LPAR3: variants seen among roughly 807,000 people sequenced by gnomAD.
The protein encoded by LPAR3 is lysophosphatidic acid receptor 3.
LPAR3 carries 7 observed loss-of-function variants against 17.8 expected under a neutral mutation model. The observed-to-expected ratio is 0.39, with a 90% confidence interval of 0.22 to 0.74. LPAR3 has a LOEUF of 0.74. Ranked by LOEUF, LPAR3 falls within the 30% of genes least tolerant of loss-of-function variation. LPAR3 has a pLI of 0.40. For synonymous variants in LPAR3, 179 were observed against 179.9 expected, an observed-to-expected ratio of 0.99 and a Z score of 0.04; for missense variants, 391 against 453.4, an observed-to-expected ratio of 0.86 and a Z score of 1.25.
intron 1 of LPAR3, among the ~76,000 whole-genome samples, chr1:84,875,767 T>C (rs1660244494): frequency 6.6e-6 from 1 of 152,240 alleles, no homozygotes; most frequent in Non-Finnish European, 1.5e-5. Flanking sequence ...TTAAAGTATC[T>C]GTCCTAATCC....
chr1:84,841,379 T>C (rs896269867), intron 2 of LPAR3, among the ~76,000 whole-genome samples: 1 of 152,136 alleles, frequency 6.6e-6, no homozygotes, highest in Non-Finnish European at 1.5e-5. Flanking sequence ...ACTAAAAATC[T>C]GGACAGTCCC....
intron 2 of LPAR3, among the ~76,000 whole-genome samples, chr1:84,846,714 A>G (rs1659599785): frequency 6.6e-6 from 1 of 152,076 alleles, no homozygotes; most frequent in Non-Finnish European, 1.5e-5. Flanking sequence ...ATTACCCACA[A>G]AGGGGTTATT....
At chr1:84,866,806 A>G (rs761919311) in intron 1 of LPAR3, among the ~76,000 whole-genome samples, 4 of 152,180 alleles carry the variant, frequency 2.6e-5, no homozygotes, top group Non-Finnish European at 5.9e-5. Context: ...TATTAGGTAT[A>G]TGATGCAGGG....
intron 2 of LPAR3, among the ~76,000 whole-genome samples, chr1:84,860,714 G>A (rs1025980113): frequency 2.7e-5 from 4 of 149,600 alleles, no homozygotes; most frequent in Admixed American, 6.7e-5. Context: ...AAGAGGGTTC[G>A]TAAGAAACTT....
intron 2 of LPAR3, among the ~76,000 whole-genome samples, chr1:84,827,046 C>T (rs1490413593): frequency 1.3e-5 from 2 of 152,132 alleles, no homozygotes; most frequent in Non-Finnish European, 2.9e-5. Context: ...ATTTTATCTA[C>T]AGTTTACTAA....
intron 1 of LPAR3, among the ~76,000 whole-genome samples, chr1:84,888,684 G>A (rs1345319455): frequency 1.3e-5 from 2 of 152,134 alleles, no homozygotes; most frequent in African/African-American, 4.8e-5. Flanking sequence ...TATTTAGACC[G>A]CATGTTTGCT....
intron 2 of LPAR3, among the ~76,000 whole-genome samples, chr1:84,828,127 T>C (rs1659199039): frequency 6.6e-6 from 1 of 152,184 alleles, no homozygotes; most frequent in South Asian, 2.1e-4. Flanking sequence ...TCTCTCTCTT[T>C]TTTTTCTATT....
At chr1:84,817,261 T>TCACACACACA (rs71097861) in intron 2 of LPAR3, among the ~76,000 whole-genome samples, 13,321 of 147,404 alleles carry the variant, frequency 0.09, 850 homozygotes, top group African/African-American at 0.19. Flanking sequence ...CCAGGATCTA[T>TCACACACACA]CACACACACA....
At position 84,812,972 on chromosome 1, in the gene LPAR3, A is replaced by C. The variant is rs959497222; in HGVS notation, c.*874T>G. Reference sequence around the variant, plus strand: ...TTCACCATCATGAGGGAAAATGAGAACTAATGTGGACTGGCGGGAGGCAGT... The same window carrying C: ...TTCACCATCATGAGGGAAAATGAGACCTAATGTGGACTGGCGGGAGGCAGT... On this transcript the variant is annotated 3_prime_UTR_variant, in exon 3 of 3. Coordinates refer to ENST00000370611, the MANE Select transcript of LPAR3 (RefSeq NM_012152.3). The C allele has an allele frequency of 1.3e-5, 2 of 151,674 alleles. No homozygotes were observed. The highest frequency in any genetic ancestry group is 4.8e-5 in the African/African-American group (2 of 41,260). The allele number at this position is 151,674 out of a possible 1,614,324, so 9.4% of individuals were successfully genotyped here.
intron 1 of LPAR3, among the ~76,000 whole-genome samples, chr1:84,880,350 A>G (rs17116969): frequency 0.054 from 8,282 of 152,284 alleles, 249 homozygotes; most frequent in South Asian, 0.083. Flanking sequence ...GCAAGTACGT[A>G]AGCAAAGGTG....
At chr1:84,833,536 C>G (rs1355583005) in intron 2 of LPAR3, among the ~76,000 whole-genome samples, 17 of 152,148 alleles carry the variant, frequency 1.1e-4, no homozygotes. Context: ...CCAGGAAAGG[C>G]CTCGTGGGGT....
rs568911657 is a variant in LPAR3 at position 84,822,259 on chromosome 1, T to C, written c.737-8088A>G. The stretch of plus-strand genomic sequence containing the variant: ...AGTACCTGTTTAAGAGACTCACTAA[T>C]AGTTCAATTAGACTATAAATAAGCT... On this transcript the variant is annotated intron_variant, in intron 2 of 2. Coordinates refer to ENST00000370611, the MANE Select transcript of LPAR3 (RefSeq NM_012152.3). 1.6e-4 allele frequency among the ~76,000 whole-genome samples: 25 copies of C among 152,304 alleles called. No homozygotes were observed. In the South Asian group the frequency reaches 4.6e-3, roughly 28 times the overall value.
chr1:84,864,785 AAAAAAAG>A (rs916482752), intron 2 of LPAR3, among the ~76,000 whole-genome samples: 2 of 152,030 alleles, frequency 1.3e-5, no homozygotes, highest in South Asian at 2.1e-4. Flanking sequence ...AGGCTCCGGC[AAAAAAAG>A]AAAAAAGAAA....
intron 2 of LPAR3, among the ~76,000 whole-genome samples, chr1:84,819,597 G>C (rs981961837): frequency 3.3e-5 from 5 of 152,206 alleles, no homozygotes; most frequent in African/African-American, 1.2e-4. Flanking sequence ...CCATGGAAAA[G>C]AGAGAGGGAG....
intron 1 of LPAR3, among the ~76,000 whole-genome samples, chr1:84,881,423 C>T (rs1157748223): frequency 1.3e-5 from 2 of 152,166 alleles, no homozygotes; most frequent in South Asian, 2.1e-4. Flanking sequence ...TTCTATAGTG[C>T]TTAAGGAAAT....
chr1:84,814,168 G>A lies in LPAR3; in HGVS notation c.740C>T (p.Ala247Val), dbSNP rs143505669. Reference sequence around the variant, plus strand: ...GCCCGGGGTCCAGCATACCACAAACGCCCCTGCAAGGAGAGAAGAGGAGGC... The same window carrying A: ...GCCCGGGGTCCAGCATACCACAAACACCCCTGCAAGGAGAGAAGAGGAGGC... Reference protein sequence around the residue: ...LMKTVMTVLGAFVVCWTPGLV... With the variant: ...LMKTVMTVLGVFVVCWTPGLV... Residue 247 changes from alanine to valine, a missense_variant, in exon 3 of 3, where the codon GCG becomes GTG. Physicochemically the swap from Ala to Val is moderately conservative, Grantham distance 64. Transcript: ENST00000370611. The A allele has an allele frequency of 2.8e-4, 451 of 1,613,000 alleles. No homozygotes were observed. Among genetic ancestry groups the A allele is most frequent in the African/African-American group, 1.9e-3 (141 of 74,982 alleles).
At chr1:84,886,963 A>G (rs1660472486) in intron 1 of LPAR3, among the ~76,000 whole-genome samples, 2 of 152,222 alleles carry the variant, frequency 1.3e-5, no homozygotes, top group Non-Finnish European at 1.5e-5. Context: ...TATTGAATAC[A>G]TAAGGAATCC....
At chr1:84,844,030 A>G (rs1659553975) in intron 2 of LPAR3, among the ~76,000 whole-genome samples, 1 of 152,144 alleles carries the variant, frequency 6.6e-6, no homozygotes, top group South Asian at 2.1e-4. Flanking sequence ...ATTCTGTTCT[A>G]ATTTATTTGT....
chr1:84,879,750 A>G (rs1660328520), intron 1 of LPAR3, among the ~76,000 whole-genome samples: 1 of 152,136 alleles, frequency 6.6e-6, no homozygotes, highest in South Asian at 2.1e-4. Context: ...CTAGAATGTA[A>G]GCATAAATGA....
Sources: gnomAD v4.1 joint callset for allele counts (sites outside exome capture counted in the v4.1 genomes callset) on GRCh38, gnomAD v4.1.1 for gene constraint, MANE v1.5 for transcripts, NCBI Gene and HGNC (gene_info 2026-07-23, HGNC 2026-07-21) for gene names.